The following ULK4 variants were observed in gnomAD, a reference collection of about 807,000 sequenced individuals.
ULK4 encodes the protein inactive serine/threonine-protein kinase ULK4.
A neutral mutation model predicts 160.6 loss-of-function variants in ULK4; 133 were observed. The ratio of observed to expected loss-of-function variants is 0.83; its 90% CI spans 0.72 to 0.96. ULK4 has a LOEUF of 0.96. Ranked by LOEUF, ULK4 falls within the 40% of genes least tolerant of loss-of-function variation. The probability of loss-of-function intolerance (pLI) is 0.00; values close to 1 mark genes in which losing one functional copy is unlikely to be tolerated. For synonymous variants in ULK4, 534 were observed against 539.8 expected, an observed-to-expected ratio of 0.99 and a Z score of 0.15; for missense variants, 1,580 against 1,499.5, an observed-to-expected ratio of 1.05 and a Z score of -0.89.
At chr3:41,600,887 T>C (rs1311345808) in intron 31 of ULK4, among the ~76,000 whole-genome samples, 1 of 152,178 alleles carries the variant, frequency 6.6e-6, no homozygotes, top group Admixed American at 6.5e-5. Flanking sequence ...CTTCTCTCCC[T>C]AGCACACTCC....
intron 30 of ULK4, among the ~76,000 whole-genome samples, chr3:41,645,841 G>T (rs1295670424): frequency 1.3e-5 from 2 of 152,136 alleles, no homozygotes; most frequent in African/African-American, 2.4e-5. Context: ...CTCTTTGTAG[G>T]TCACTCAGGA....
intron 35 of ULK4, among the ~76,000 whole-genome samples, chr3:41,333,367 C>T (rs1198739621): frequency 2.0e-5 from 3 of 152,198 alleles, no homozygotes; most frequent in Non-Finnish European, 4.4e-5. Flanking sequence ...CTTTTACATT[C>T]CTTTCAACAG....
In ULK4 at chr3:41,412,553, A is replaced by ATT. The variant is rs57224854; in HGVS notation, c.3493-14291_3493-14290dup. ...TAAAGGTCAATGGCAATGCAGTTGA[A>ATT]TTTTTTTTTTTTTTTTTTTTTTTTT... On this transcript the variant is annotated intron_variant, in intron 34 of 36. Coordinates refer to ENST00000301831, the MANE Select transcript of ULK4 (RefSeq NM_017886.4). 3.1e-3 allele frequency among the ~76,000 whole-genome samples: 310 copies of ATT among 100,374 alleles called. 1 individual carries two copies. Among genetic ancestry groups the ATT allele is most frequent in the Middle Eastern group, 5.6e-3 (1 of 180 alleles). The allele number at this position is 100,374 out of a possible 152,430, so 65.8% of individuals were successfully genotyped here.
rs180901060 is a variant in ULK4, at chr3:41,715,297, T to C, written c.2578-4A>G. The C allele has an allele frequency of 3.7e-5, 59 of 1,613,846 alleles. No homozygotes were observed. The highest frequency in any genetic ancestry group is 4.7e-5 in the Non-Finnish European group (55 of 1,179,988). On this transcript the variant is annotated splice_polypyrimidine_tract_variant and splice_region_variant and intron_variant, in intron 24 of 36. Transcript: ENST00000301831. ...TCACAACTTGAGGTCGAAATACCTG[T>C]GTGATGAGAGTTTCTACAGATTAAA... is the stretch of plus-strand genomic sequence containing the variant.
chr3:41,306,956 G>C (rs1314971357), intron 35 of ULK4, among the ~76,000 whole-genome samples: 2 of 148,192 alleles, frequency 1.3e-5, no homozygotes, highest in South Asian at 2.2e-4. Flanking sequence ...CAGCATGCTC[G>C]TTAAGAGTCA....
chr3:41,940,916 G>A (rs904815127), intron 2 of ULK4, among the ~76,000 whole-genome samples: 10 of 151,914 alleles, frequency 6.6e-5, no homozygotes, highest in African/African-American at 1.9e-4. Flanking sequence ...TTTTGCTTTC[G>A]CCTTTTAAAA....
chr3:41,870,039 G>T (rs912679546), intron 17 of ULK4, among the ~76,000 whole-genome samples: 1 of 152,024 alleles, frequency 6.6e-6, no homozygotes, highest in Non-Finnish European at 1.5e-5. Flanking sequence ...CTGTCTAATG[G>T]CATCTATGGT....
At chr3:41,374,168 C>T (rs2081429529) in intron 35 of ULK4, among the ~76,000 whole-genome samples, 1 of 152,032 alleles carries the variant, frequency 6.6e-6, no homozygotes, top group Non-Finnish European at 1.5e-5. Flanking sequence ...CAAAAAAAGC[C>T]CAAGACTAGA....
chr3:41,366,574 C>CACACA (rs1024905564), intron 35 of ULK4, among the ~76,000 whole-genome samples: 15 of 148,826 alleles, frequency 1.0e-4, no homozygotes, highest in Admixed American at 9.3e-4. Flanking sequence ...CACACACACA[C>CACACA]TTTATCTATA....
rs982414196 is a variant in ULK4 at position 41,288,386 on chromosome 3, T to A, written c.3679-38812A>T. 2.2e-4 allele frequency among the ~76,000 whole-genome samples: 34 copies of A among 152,140 alleles called. 3 individuals carry two copies. Among genetic ancestry groups the A allele is most frequent in the Non-Finnish European group, 2.9e-5 (2 of 68,024 alleles). Reference sequence around the variant, plus strand: ...GTGATTCTCAGGAAGGCACTAACCCTAATCTGGTCAAAGATACTTTAGGAA... The same window carrying A: ...GTGATTCTCAGGAAGGCACTAACCCAAATCTGGTCAAAGATACTTTAGGAA... On this transcript the variant is annotated intron_variant, in intron 35 of 36. Transcript: ENST00000301831.
chr3:41,454,076 A>T (rs1559614155), intron 34 of ULK4, among the ~76,000 whole-genome samples: 1 of 150,390 alleles, frequency 6.6e-6, no homozygotes, highest in Non-Finnish European at 1.5e-5. Context: ...TACCTAATGT[A>T]AATGATGACT....
chr3:41,848,245 A>G (rs930151169), intron 17 of ULK4, among the ~76,000 whole-genome samples: 3 of 151,280 alleles, frequency 2.0e-5, no homozygotes, highest in Non-Finnish European at 4.4e-5. Flanking sequence ...CAGGAAAAGC[A>G]AGTAAAGTGC....
At chr3:41,838,776 A>T (rs545438606) in intron 17 of ULK4, among the ~76,000 whole-genome samples, 1 of 152,348 alleles carries the variant, frequency 6.6e-6, no homozygotes, top group Non-Finnish European at 1.5e-5. Flanking sequence ...CGATAAACAG[A>T]CATCCACAAT....
rs531608257 is a variant in ULK4, at chr3:41,922,865, A to C, written c.542-3047T>G. ...CATGCAGTCTTAAGAAAGGTTCTTC[A>C]GGATCATCAAGAATCCCTGAACCAG... On this transcript the variant is annotated intron_variant, in intron 5 of 36. Transcript: ENST00000301831. 1.1e-4 allele frequency among the ~76,000 whole-genome samples: 16 copies of C among 152,332 alleles called. 1 individual carries two copies. In the South Asian group the frequency reaches 3.1e-3, roughly 30 times the overall value.
chr3:41,570,225 G>T (rs1419351661), intron 31 of ULK4, among the ~76,000 whole-genome samples: 1 of 152,198 alleles, frequency 6.6e-6, no homozygotes, highest in African/African-American at 2.4e-5. Flanking sequence ...ACAAGACAAA[G>T]TGTTTGCTTT....
At chr3:41,569,874 C>T (rs2087911054) in intron 31 of ULK4, among the ~76,000 whole-genome samples, 1 of 152,084 alleles carries the variant, frequency 6.6e-6, no homozygotes. Context: ...CATTTCCCCG[C>T]CTGCTTGGAA....
chr3:41,920,147 T>C (rs183348620), intron 5 of ULK4, among the ~76,000 whole-genome samples: 85 of 152,154 alleles, frequency 5.6e-4, no homozygotes, highest in Non-Finnish European at 7.2e-4. Context: ...ACAGCAAAGG[T>C]TTATCTATCA....
chr3:41,326,461 T>C (rs2080340642), intron 35 of ULK4, among the ~76,000 whole-genome samples: 1 of 151,350 alleles, frequency 6.6e-6, no homozygotes, highest in Admixed American at 6.6e-5. Context: ...CATATATATA[T>C]ATATATATAC....
intron 17 of ULK4, among the ~76,000 whole-genome samples, chr3:41,861,891 C>T (rs1024661064): frequency 1.6e-4 from 24 of 151,900 alleles, no homozygotes; most frequent in African/African-American, 5.3e-4. Flanking sequence ...GCATGATCTC[C>T]GCTCACTGCA....
Sources: gnomAD v4.1 joint callset for allele counts (sites outside exome capture counted in the v4.1 genomes callset) on GRCh38, gnomAD v4.1.1 for gene constraint, MANE v1.5 for transcripts, NCBI Gene and HGNC (gene_info 2026-07-23, HGNC 2026-07-21) for gene names.